STK3: variants seen among roughly 807,000 people sequenced by gnomAD.
STK3 encodes the protein serine/threonine-protein kinase 3.
A neutral mutation model predicts 58.0 loss-of-function variants in STK3; 41 were observed. The ratio of observed to expected loss-of-function variants is 0.71; its 90% confidence interval spans 0.55 to 0.92. The LOEUF is 0.92. Among genes scored for constraint, STK3 ranks in the 40% least tolerant of loss-of-function variants. The pLI is 0.00. For synonymous variants in STK3, 170 were observed against 191.0 expected (o/e 0.89, Z 0.91); for missense variants, 479 against 602.7 (o/e 0.79, Z 2.15).
chr8:98,840,039 T>A (rs1010272429), intron 3 of STK3, among the ~76,000 whole-genome samples: 1 of 151,800 alleles, frequency 6.6e-6, no homozygotes, highest in African/African-American at 2.4e-5. Context: ...TTGAAAAAAA[T>A]AAAGAGTAAG....
chr8:98,872,504 C>T (rs1271153927), intron 3 of STK3, among the ~76,000 whole-genome samples: 5 of 152,182 alleles, frequency 3.3e-5, no homozygotes, highest in African/African-American at 4.8e-5. Context: ...TTAATTATTG[C>T]CTCAATTTCA....
chr8:98,621,225 C>T (rs550394312), intron 6 of STK3, among the ~76,000 whole-genome samples: 78 of 152,340 alleles, frequency 5.1e-4, no homozygotes, highest in East Asian at 1.7e-3. Context: ...CAGGCATGAG[C>T]CACCGCGCCC....
At chr8:98,855,171 G>T (rs1836623594) in intron 3 of STK3, among the ~76,000 whole-genome samples, 2 of 152,188 alleles carry the variant, frequency 1.3e-5, no homozygotes, top group Admixed American at 1.3e-4. Flanking sequence ...TCTACAAGCT[G>T]ATTCTTAAAT....
intron 3 of STK3, among the ~76,000 whole-genome samples, chr8:98,759,309 ATT>A (rs1424202764): frequency 3.9e-5 from 6 of 152,192 alleles, no homozygotes; most frequent in African/African-American, 1.4e-4. Context: ...TAATTTCAAT[ATT>A]GTGTCTCAAG....
chr8:98,863,304 G>T lies in STK3; in HGVS notation c.110+20343C>A, dbSNP rs144123149. 4.5e-4 allele frequency among the ~76,000 whole-genome samples: 69 copies of T among 152,202 alleles called. 1 individual carries two copies. The East Asian group carries it at 0.011, about 25-fold the overall frequency. ...CTTTGTTTAATTTTCTTTTAGGAAG[G>T]GCAGTACAACATTGAGCTGAAGGCA... On this transcript the variant is annotated intron_variant, in intron 3 of 12. Transcript: ENST00000523601.
intron 10 of STK3, among the ~76,000 whole-genome samples, chr8:98,513,266 C>G (rs757923933): frequency 1.2e-4 from 19 of 152,208 alleles, no homozygotes; most frequent in Admixed American, 5.9e-4. Context: ...TGAGCCCCAC[C>G]ACTCCCAAAT....
At chr8:98,576,297 C>T (rs1813392912) in intron 8 of STK3, among the ~76,000 whole-genome samples, 1 of 152,208 alleles carries the variant, frequency 6.6e-6, no homozygotes, top group African/African-American at 2.4e-5. Context: ...GATTTGATCA[C>T]TGCAGTTTCA....
chr8:98,865,207 A>G (rs575860276), intron 3 of STK3, among the ~76,000 whole-genome samples: 140 of 152,330 alleles, frequency 9.2e-4, no homozygotes, highest in African/African-American at 3.1e-3. Context: ...ACAGGGCAAC[A>G]TAGTAAGACC....
intron 6 of STK3, among the ~76,000 whole-genome samples, chr8:98,599,903 G>C (rs1816183855): frequency 6.6e-6 from 1 of 152,066 alleles, no homozygotes; most frequent in Non-Finnish European, 1.5e-5. Flanking sequence ...GGGAGATGGA[G>C]GTTACAACGA....
At chr8:98,921,687 C>T (rs72668447) in intron 1 of STK3, 12,262 of 152,174 alleles carry the variant, frequency 0.081, 544 homozygotes, top group South Asian at 0.1. Flanking sequence ...TTTTTCCTTT[C>T]TCTTATTTTA....
intron 3 of STK3, among the ~76,000 whole-genome samples, chr8:98,749,932 G>C (rs1002416091): frequency 6.6e-6 from 1 of 152,018 alleles, no homozygotes; most frequent in African/African-American, 2.4e-5. Context: ...ACGTCTTCCA[G>C]AGCAGAATAA....
At position 98,800,392 on chromosome 8, in the gene STK3, G is replaced by C. The variant is rs185942413; in HGVS notation, c.26+25123C>G. ...CGGCCAAATTCCCAACAGCAGTTGG[G>C]GTGTCCTGTTTAGAGGGGGGATTGA... On this transcript the variant is annotated intron_variant, in intron 1 of 10. Coordinates refer to ENST00000419617, the MANE Select transcript of STK3 (RefSeq NM_006281.4). The surrounding 1 kb of genome is among the most constrained non-coding windows in gnomAD (Gnocchi z 4.8). Among the ~76,000 whole-genome samples, 197 of 152,290 alleles carry C rather than the reference G, an allele frequency of 1.3e-3. 1 individual carries two copies. The highest frequency in any genetic ancestry group is 6.9e-3 in the Admixed American group (106 of 15,294).
At chr8:98,545,500 G>C (rs1476111995) in intron 9 of STK3, among the ~76,000 whole-genome samples, 6 of 152,116 alleles carry the variant, frequency 3.9e-5, no homozygotes, top group Admixed American at 2.6e-4. Context: ...AATACTTTTT[G>C]TCATTTTTCT....
intron 1 of STK3, among the ~76,000 whole-genome samples, chr8:98,898,155 C>G (rs1838525204): frequency 6.6e-6 from 1 of 152,230 alleles, no homozygotes. Flanking sequence ...CTCCATGTCC[C>G]TAGCTGTATT....
At chr8:98,888,449 T>C (rs1323581095) in intron 1 of STK3, among the ~76,000 whole-genome samples, 3 of 152,018 alleles carry the variant, frequency 2.0e-5, no homozygotes, top group Admixed American at 6.6e-5. Flanking sequence ...TAGAAGGGAG[T>C]AGACAAACCT....
At chr8:98,344,892 CAAAAAAAA>C in the STK3 span, among the ~76,000 whole-genome samples, 36 of 47,406 alleles carry the variant, frequency 7.6e-4, no homozygotes, top group Admixed American at 2.5e-3. Context: ...GACTCCGTCT[CAAAAAAAA>C]AAAAAAAAAA....
chr8:98,444,005 G>T (rs1818798809), intron 1 of STK3, among the ~76,000 whole-genome samples: 1 of 152,086 alleles, frequency 6.6e-6, no homozygotes, highest in Non-Finnish European at 1.5e-5. Context: ...TTTACCTATG[G>T]TTCCTCCACC....
At chr8:98,845,996 A>T (rs186841829) in intron 3 of STK3, among the ~76,000 whole-genome samples, 6 of 152,326 alleles carry the variant, frequency 3.9e-5, no homozygotes, top group Admixed American at 3.9e-4. Flanking sequence ...GGTTGCACAG[A>T]GCTAGGAACT....
intron 6 of STK3, among the ~76,000 whole-genome samples, chr8:98,661,477 G>T (rs1309347896): frequency 6.6e-6 from 1 of 151,864 alleles, no homozygotes; most frequent in Non-Finnish European, 1.5e-5. Context: ...TGGATTATTG[G>T]CAGCCTCCTA....
Sources: gnomAD v4.1 joint callset for allele counts (sites outside exome capture counted in the v4.1 genomes callset) on GRCh38, gnomAD v4.1.1 for gene constraint, Gnocchi (gnomAD v3.1) non-coding constraint, MANE v1.5 for transcripts, NCBI Gene and HGNC (gene_info 2026-07-23, HGNC 2026-07-21) for gene names.